The following EPS15 variants were observed in gnomAD, a reference collection of about 807,000 sequenced individuals.
EPS15 encodes the protein epidermal growth factor receptor substrate 15.
A neutral mutation model predicts 113.8 loss-of-function variants in EPS15; 72 were observed. That is an observed-to-expected ratio of 0.63 (90% CI 0.52 to 0.77). EPS15 has a LOEUF of 0.77. EPS15 is among the 30% of genes least tolerant of loss of function. EPS15 has a pLI of 0.00. For missense variants in EPS15, 1,048 were observed against 1,045.8 expected, an observed-to-expected ratio of 1.00 and a Z score of -0.03; for synonymous variants, 344 against 363.4, an observed-to-expected ratio of 0.95 and a Z score of 0.61.
chr1:51,406,100 C>G lies in EPS15; in HGVS notation c.1482G>C (p.Met494Ile). The G allele has an allele frequency of 6.2e-7, 1 of 1,612,838 alleles. No homozygotes were observed. Residue 494 changes from methionine (M) to isoleucine (I), a missense_variant, in exon 16 of 25, where the codon ATG becomes ATC. Transcript: ENST00000371733. ...DSQQEISSMQ[M>I]KLMEMKDLEN... ...CCAAATCTTTCATTTCCATCAGTTT[C>G]ATTTGCATCTGCCAACACAAAGAAG... is the stretch of plus-strand genomic sequence containing the variant.
intron 6 of EPS15, among the ~76,000 whole-genome samples, chr1:51,464,011 G>A (rs551256621): frequency 2.0e-5 from 3 of 152,248 alleles, no homozygotes; most frequent in Admixed American, 1.3e-4. Flanking sequence ...CTTTACCCAA[G>A]AGTCTGGTGT....
At chr1:51,486,149 G>A (rs1570407650) in intron 1 of EPS15, among the ~76,000 whole-genome samples, 2 of 151,716 alleles carry the variant, frequency 1.3e-5, no homozygotes, top group Non-Finnish European at 2.9e-5. Context: ...CAGGCACAGT[G>A]GCTCATGCCT....
chr1:51,436,902 T>A (rs1652194163), intron 12 of EPS15, among the ~76,000 whole-genome samples: 2 of 152,070 alleles, frequency 1.3e-5, no homozygotes, highest in Non-Finnish European at 2.9e-5. Flanking sequence ...GATGTTCAGA[T>A]GAAAACACTA....
intron 20 of EPS15, among the ~76,000 whole-genome samples, chr1:51,398,577 C>T (rs142469931): frequency 6.6e-6 from 1 of 152,174 alleles, no homozygotes; most frequent in African/African-American, 2.4e-5. Flanking sequence ...TGTACATTCT[C>T]AAGAGAGCTT....
chr1:51,360,071 G>C (rs190872379), intron 24 of EPS15, among the ~76,000 whole-genome samples: 2 of 152,138 alleles, frequency 1.3e-5, no homozygotes, highest in Non-Finnish European at 2.9e-5. Context: ...ACAGGCGTGA[G>C]CCACCACGCC....
intron 7 of EPS15, among the ~76,000 whole-genome samples, chr1:51,462,586 A>G (rs1435046279): frequency 6.6e-6 from 1 of 152,092 alleles, no homozygotes; most frequent in East Asian, 1.9e-4. Flanking sequence ...CAGATAATTT[A>G]CTTCATGTTT....
chr1:51,422,222 G>T, intron 12 of EPS15: 1 of 221,078 alleles, frequency 4.5e-6, no homozygotes, highest in Non-Finnish European at 8.5e-6. Context: ...AGCTCTGTAA[G>T]GTTAACCCTT....
rs143552929 is a variant in EPS15 at position 51,417,826 on chromosome 1, C to G, written c.1113+3960G>C. 9.9e-5 allele frequency among the ~76,000 whole-genome samples: 15 copies of G among 152,282 alleles called. 1 individual carries two copies. The East Asian group carries it at 2.5e-3, about 25-fold the overall frequency. Reference sequence around the variant, plus strand: ...AGGAGAATATATATGGCACAGAGTACAGAGTCAGACAGTCAAAAAAGAGGA... The same window carrying G: ...AGGAGAATATATATGGCACAGAGTAGAGAGTCAGACAGTCAAAAAAGAGGA... On this transcript the variant is annotated intron_variant, in intron 13 of 24. Coordinates refer to ENST00000371733, the MANE Select transcript of EPS15 (RefSeq NM_001981.3).
chr1:51,505,678 A>G (rs997166912), intron 1 of EPS15, among the ~76,000 whole-genome samples: 1 of 152,222 alleles, frequency 6.6e-6, no homozygotes, highest in African/African-American at 2.4e-5. Flanking sequence ...TTACATCTCA[A>G]TTAAACTGTT....
At chr1:51,430,367 G>A (rs7554908) in intron 12 of EPS15, among the ~76,000 whole-genome samples, 3 of 151,748 alleles carry the variant, frequency 2.0e-5, no homozygotes. Context: ...TCAGGAGTTC[G>A]AGACAAGCCT....
chr1:51,401,155 G>A (rs1436697438), intron 18 of EPS15: 17 of 425,762 alleles, frequency 4.0e-5, no homozygotes, highest in Non-Finnish European at 6.7e-5. Context: ...TGAGGTTACG[G>A]ATGGAGGGGA....
chr1:51,467,701 C>T (rs1342168049), intron 5 of EPS15, among the ~76,000 whole-genome samples: 1 of 152,044 alleles, frequency 6.6e-6, no homozygotes, highest in Non-Finnish European at 1.5e-5. Flanking sequence ...CCAACTTTTG[C>T]CAGATCAGCG....
chr1:51,359,443 TAAAAAAA>T (rs148380501), intron 24 of EPS15, among the ~76,000 whole-genome samples: 13 of 104,058 alleles, frequency 1.2e-4, no homozygotes, highest in Non-Finnish European at 2.3e-4. Flanking sequence ...ACTCTGTCTT[TAAAAAAA>T]AAAAAAAAAA....
chr1:51,357,709 T>C (rs890658528), intron 24 of EPS15, among the ~76,000 whole-genome samples: 3 of 148,222 alleles, frequency 2.0e-5, no homozygotes, highest in Non-Finnish European at 4.5e-5. Context: ...AAGTATTGGG[T>C]ATACTAAGCA....
chr1:51,479,535 G>C (rs1310130011), intron 2 of EPS15, among the ~76,000 whole-genome samples: 1 of 152,076 alleles, frequency 6.6e-6, no homozygotes, highest in African/African-American at 2.4e-5. Flanking sequence ...GAGAAGAGGT[G>C]CTCTGATTTT....
At chr1:51,462,264 G>C (rs1209019553) in intron 7 of EPS15, 1 of 152,134 alleles carries the variant, frequency 6.6e-6, no homozygotes, top group Non-Finnish European at 1.5e-5. Flanking sequence ...TCAGGAGACT[G>C]AGGCAGGAGA....
intron 2 of EPS15, among the ~76,000 whole-genome samples, chr1:51,476,443 G>A (rs1253790564): frequency 6.6e-6 from 1 of 151,936 alleles, no homozygotes; most frequent in Admixed American, 6.6e-5. Flanking sequence ...TATGTGTTGA[G>A]GAATTTACCC....
At chr1:51,410,679 G>A (rs986645706) in intron 13 of EPS15, among the ~76,000 whole-genome samples, 4 of 152,188 alleles carry the variant, frequency 2.6e-5, no homozygotes, top group African/African-American at 4.8e-5. Context: ...CAAAGCGGGT[G>A]AGGTAAAACT....
intron 19 of EPS15, 22 bp from the exon 20 acceptor site, chr1:51,399,187 A>G (rs370727490): frequency 1.9e-5 from 30 of 1,606,528 alleles, no homozygotes; most frequent in Non-Finnish European, 2.4e-5. Flanking sequence ...AGGCACGAAT[A>G]TAAGAGACAA....
Sources: gnomAD v4.1 joint callset for allele counts (sites outside exome capture counted in the v4.1 genomes callset) on GRCh38, gnomAD v4.1.1 for gene constraint, MANE v1.5 for transcripts, NCBI Gene and HGNC (gene_info 2026-07-23, HGNC 2026-07-21) for gene names.